The following BANK1 variants were observed in gnomAD, a reference collection of about 807,000 sequenced individuals.
BANK1 encodes the protein B-cell scaffold protein with ankyrin repeats.
BANK1 carries 95 observed loss-of-function variants against 94.5 expected under a neutral mutation model. That is an observed-to-expected ratio of 1.00 (90% CI 0.85 to 1.19). The LOEUF (loss-of-function observed/expected upper bound fraction) is 1.19. BANK1 is among the 50% of genes most tolerant of loss of function. The pLI is 0.00. For missense variants in BANK1, 987 were observed against 932.2 expected (o/e 1.06, Z -0.77); for synonymous variants, 334 against 308.4 (o/e 1.08, Z -0.87).
At chr4:101,919,574 T>A (rs1347892569) in intron 7 of BANK1, among the ~76,000 whole-genome samples, 1 of 152,062 alleles carries the variant, frequency 6.6e-6, no homozygotes, top group Admixed American at 6.6e-5. Context: ...ACTGATAGAA[T>A]TTGATTGCTA....
intron 7 of BANK1, among the ~76,000 whole-genome samples, chr4:101,963,193 TTAG>T (rs1034309364): frequency 9.9e-5 from 15 of 152,114 alleles, no homozygotes; most frequent in Non-Finnish European, 2.9e-5. Flanking sequence ...TCCCCTCCTA[TTAG>T]TCTTTCTTTC....
chr4:102,027,345 A>C (rs1228434203), intron 9 of BANK1, among the ~76,000 whole-genome samples: 1 of 152,186 alleles, frequency 6.6e-6, no homozygotes, highest in Non-Finnish European at 1.5e-5. Flanking sequence ...TAAGATCAGA[A>C]ATGTAATCTT....
In BANK1 at chr4:102,072,367, A is replaced by C; in HGVS notation, c.2265A>C (p.Glu755Asp). ...HPGGKETAHN[E>D]NKFYNVHFSN... ...TAGGTAAGGAAACTGCCCACAATGAAAATAAGTTTTATAATGTACACTTCA... is the reference window on the plus strand; with the variant it reads ...TAGGTAAGGAAACTGCCCACAATGACAATAAGTTTTATAATGTACACTTCA... The change falls in exon 15 of 17, where the codon GAA (glutamate) becomes GAC (aspartate). Residue 755 changes from glutamate (E) to aspartate (D), a missense_variant. Coordinates refer to ENST00000322953, the MANE Select transcript of BANK1 (RefSeq NM_017935.5). 1 of 1,595,968 alleles carries C rather than the reference A, an allele frequency of 6.3e-7. No homozygotes were observed. The highest frequency in any genetic ancestry group is 8.6e-7 in the Non-Finnish European group (1 of 1,164,358).
intron 10 of BANK1, 64 bp downstream of exon 10, chr4:102,030,329 G>A: frequency 6.8e-7 from 1 of 1,461,706 alleles, no homozygotes; most frequent in Non-Finnish European, 9.2e-7. Context: ...AGGATGGGAG[G>A]AGGGGATAAG....
intron 7 of BANK1, among the ~76,000 whole-genome samples, chr4:101,925,230 T>A (rs1723118206): frequency 6.6e-6 from 1 of 151,894 alleles, no homozygotes; most frequent in Non-Finnish European, 1.5e-5. Context: ...ATCTACACTT[T>A]AAGCCCATTT....
chr4:101,814,967 TA>T (rs1337301371), intron 1 of BANK1, among the ~76,000 whole-genome samples: 5 of 152,142 alleles, frequency 3.3e-5, no homozygotes, highest in African/African-American at 1.2e-4. Flanking sequence ...GTATTGGGTA[TA>T]GGGGTGAGGA....
At chr4:101,919,652 A>C (rs965146452) in intron 7 of BANK1, among the ~76,000 whole-genome samples, 17 of 152,006 alleles carry the variant, frequency 1.1e-4, no homozygotes, top group African/African-American at 4.1e-4. Context: ...TATACTTGAT[A>C]ATTCTTGTGT....
At chr4:102,025,914 T>A (rs1305071663) in intron 9 of BANK1, among the ~76,000 whole-genome samples, 4 of 152,214 alleles carry the variant, frequency 2.6e-5, no homozygotes, top group Non-Finnish European at 5.9e-5. Context: ...AACATTGCTT[T>A]TAAAACATAC....
At chr4:101,859,974 G>C (rs1727807870) in intron 3 of BANK1, among the ~76,000 whole-genome samples, 1 of 152,106 alleles carries the variant, frequency 6.6e-6, no homozygotes, top group Non-Finnish European at 1.5e-5. Flanking sequence ...GTCAAATGAT[G>C]GTTATGGATA....
intron 7 of BANK1, among the ~76,000 whole-genome samples, chr4:101,999,124 G>A (rs992894444): frequency 2.0e-5 from 3 of 152,040 alleles, no homozygotes; most frequent in Admixed American, 1.3e-4. Flanking sequence ...ACCTTCTGGT[G>A]GTCTTCCAGA....
At chr4:101,979,320 G>A (rs1251520825) in intron 7 of BANK1, among the ~76,000 whole-genome samples, 2 of 151,774 alleles carry the variant, frequency 1.3e-5, no homozygotes, top group Non-Finnish European at 2.9e-5. Context: ...AAATTAATTT[G>A]TATAAATTAT....
chr4:101,804,770 A>G (rs568534905), intron 1 of BANK1, among the ~76,000 whole-genome samples: 8 of 152,320 alleles, frequency 5.3e-5, no homozygotes, highest in Admixed American at 5.2e-4. Context: ...TATCAGACAT[A>G]TAAGATACAA....
intron 7 of BANK1, among the ~76,000 whole-genome samples, chr4:101,949,933 A>G (rs1289795538): frequency 6.6e-6 from 1 of 152,266 alleles, no homozygotes; most frequent in South Asian, 2.1e-4. Context: ...TGACCTATCT[A>G]AGATGACATT....
At chr4:101,968,959 C>A (rs1047465097) in intron 7 of BANK1, among the ~76,000 whole-genome samples, 8 of 152,060 alleles carry the variant, frequency 5.3e-5, no homozygotes, top group African/African-American at 1.9e-4. Context: ...GAAACCATGT[C>A]CCTTTCCCAG....
At chr4:101,922,055 T>TGTGA (rs1491163025) in intron 7 of BANK1, among the ~76,000 whole-genome samples, 12 of 144,258 alleles carry the variant, frequency 8.3e-5, no homozygotes, top group African/African-American at 1.8e-4. Context: ...TGTGTGTGTG[T>TGTGA]GAGACAGAGA....
At chr4:102,029,457 C>T (rs942278648) in intron 9 of BANK1, among the ~76,000 whole-genome samples, 1 of 150,464 alleles carries the variant, frequency 6.6e-6, no homozygotes, top group Non-Finnish European at 1.5e-5. Flanking sequence ...TGTGGAGTTT[C>T]AGACATAGAT....
At chr4:102,046,820 A>ATT (rs1206445834) in intron 11 of BANK1, among the ~76,000 whole-genome samples, 1 of 152,236 alleles carries the variant, frequency 6.6e-6, no homozygotes, top group Admixed American at 6.6e-5. Context: ...ATGTATTATG[A>ATT]TTTTTTGTCT....
chr4:101,850,266 T>TTGG (rs1727423266), intron 2 of BANK1, among the ~76,000 whole-genome samples: 1 of 151,156 alleles, frequency 6.6e-6, no homozygotes, highest in Non-Finnish European at 1.5e-5. Context: ...TGTTTGTTTG[T>TTGG]TTGGTTGGTT....
At chr4:101,902,770 G>A (rs1722325584) in intron 6 of BANK1, among the ~76,000 whole-genome samples, 1 of 152,236 alleles carries the variant, frequency 6.6e-6, no homozygotes, top group Non-Finnish European at 1.5e-5. Flanking sequence ...GGGTTAAATT[G>A]TGAAAATGTC....
Sources: gnomAD v4.1 joint callset for allele counts (sites outside exome capture counted in the v4.1 genomes callset) on GRCh38, gnomAD v4.1.1 for gene constraint, MANE v1.5 for transcripts, NCBI Gene and HGNC (gene_info 2026-07-23, HGNC 2026-07-21) for gene names.